AGAP1: variants seen among roughly 807,000 people sequenced by gnomAD.
The protein encoded by AGAP1 is arf-GAP with GTPase, ANK repeat and PH domain-containing protein 1.
AGAP1 carries 29 observed loss-of-function variants against 105.3 expected under a neutral mutation model. That is an observed-to-expected ratio of 0.28 (90% CI 0.21 to 0.38). The LOEUF (loss-of-function observed/expected upper bound fraction) is 0.38, where lower values mean the gene tolerates loss of function less well. Among genes scored for constraint, AGAP1 ranks in the 10% least tolerant of loss-of-function variants. The pLI, the probability that AGAP1 is intolerant of heterozygous loss-of-function variation, is 1.00. For synonymous variants in AGAP1, 509 were observed against 485.9 expected, an observed-to-expected ratio of 1.05 and a Z score of -0.63; for missense variants, 998 against 1,165.1, an observed-to-expected ratio of 0.86 and a Z score of 2.09.
intron 9 of AGAP1, among the ~76,000 whole-genome samples, chr2:235,811,160 C>T (rs185168428): frequency 2.0e-3 from 304 of 152,222 alleles, no homozygotes; most frequent in African/African-American, 6.9e-3. Context: ...CTTTCTTTCT[C>T]TTTAGCATTT....
At position 235,753,609 on chromosome 2, in the gene AGAP1, G is replaced by A. The variant is rs746076905; in HGVS notation, c.673+3121G>A. Among the ~76,000 whole-genome samples the A allele has an allele frequency of 6.6e-6, 1 of 152,068 alleles. No individual in the cohort carries two copies. Among genetic ancestry groups the A allele is most frequent in the Non-Finnish European group, 1.5e-5 (1 of 68,034 alleles). On this transcript the variant is annotated intron_variant, in intron 6 of 17. Coordinates refer to ENST00000304032, the MANE Select transcript of AGAP1 (RefSeq NM_001037131.3). The surrounding 1 kb of genome is among the most constrained non-coding windows in gnomAD (Gnocchi z 4.5). The stretch of plus-strand genomic sequence containing the variant: ...TAATCCCAGCTACTCAGGAAGCCAA[G>A]GCAGGAGAATCGCTTGAACCTGGGA...
In AGAP1 at chr2:235,720,001, C is replaced by T. The variant is rs981671426; in HGVS notation, c.310+2357C>T. ...CAAGCAGGTGGCCACTGTCTTTGCCCCTCTTAATGAGACCAGGGAATGGAC... is the reference window on the plus strand; with the variant it reads ...CAAGCAGGTGGCCACTGTCTTTGCCTCTCTTAATGAGACCAGGGAATGGAC... On this transcript the variant is annotated intron_variant, in intron 3 of 17. Coordinates refer to ENST00000304032, the MANE Select transcript of AGAP1 (RefSeq NM_001037131.3). This position sits in a 1 kb window ranked among gnomAD's most constrained non-coding sequence, Gnocchi z 5.0. 1.3e-5 allele frequency among the ~76,000 whole-genome samples: 2 copies of T among 152,100 alleles called. No individual in the cohort carries two copies. The highest frequency in any genetic ancestry group is 2.4e-5 in the African/African-American group (1 of 41,406).
rs1316264394 is a variant in AGAP1, at chr2:235,686,642, T to G, written c.164-22537T>G. ...ATAGATATATATATATATATATATA[T>G]ATAGATATATATATATATATATATT... is the stretch of plus-strand genomic sequence containing the variant. On this transcript the variant is annotated intron_variant, in intron 1 of 17. Transcript: ENST00000304032. Among the ~76,000 whole-genome samples, 82 of 45,130 alleles carry G rather than the reference T, an allele frequency of 1.8e-3. 3 individuals are homozygous for G. The East Asian group carries it at 0.026, about 14-fold the overall frequency. 29.6% of individuals were successfully genotyped at this position (45,130 alleles called of 152,430 possible). A position where few individuals can be genotyped will look rare whatever the true frequency, so the allele number is the denominator to read the frequency against.
Position 235,788,553 on chromosome 2 carries a change from G to T in AGAP1, c.674-9206G>T, listed in dbSNP as rs1473181707. On this transcript the variant is annotated intron_variant, in intron 6 of 17. Coordinates refer to ENST00000304032, the MANE Select transcript of AGAP1 (RefSeq NM_001037131.3). This position sits in a 1 kb window ranked among gnomAD's most constrained non-coding sequence, Gnocchi z 6.0. ...GGGAGGCAAGGTGGGGCGAGGAGAA[G>T]AGCGGGAGGGTAGGTGAGGCCGGGC... 6.6e-6 allele frequency among the ~76,000 whole-genome samples: 1 copy of T among 151,760 alleles called. No individual in the cohort carries two copies. The highest frequency in any genetic ancestry group is 2.4e-5 in the African/African-American group (1 of 41,286).
rs1248228534 is a variant in AGAP1 at position 236,042,403 on chromosome 2, A to C, written c.1891+1562A>C. On this transcript the variant is annotated intron_variant, in intron 15 of 17. Coordinates refer to ENST00000304032, the MANE Select transcript of AGAP1 (RefSeq NM_001037131.3). This position sits in a 1 kb window ranked among gnomAD's most constrained non-coding sequence, Gnocchi z 5.6. The stretch of plus-strand genomic sequence containing the variant: ...CCAGGTATCTTGAGGTTCTTCTTTA[A>C]AGTACCTCCTTATGTTTGAATGTTT... 6.6e-6 allele frequency among the ~76,000 whole-genome samples: 1 copy of C among 152,174 alleles called. No individual in the cohort carries two copies. Among genetic ancestry groups the C allele is most frequent in the East Asian group, 1.9e-4 (1 of 5,194 alleles).
intron 13 of AGAP1, among the ~76,000 whole-genome samples, chr2:236,017,224 C>T (rs529031891): frequency 5.4e-5 from 8 of 149,088 alleles, no homozygotes; most frequent in African/African-American, 1.7e-4. Flanking sequence ...ACCCAGGAGG[C>T]GGAGGTTGCA....
intron 11 of AGAP1, among the ~76,000 whole-genome samples, chr2:235,910,744 C>T (rs990079997): frequency 6.6e-6 from 1 of 152,098 alleles, no homozygotes; most frequent in Non-Finnish European, 1.5e-5. Flanking sequence ...ATGGTGAAAC[C>T]CCATCTCTAC....
At chr2:235,892,073 G>A (rs1236328878) in intron 10 of AGAP1, among the ~76,000 whole-genome samples, 2 of 151,884 alleles carry the variant, frequency 1.3e-5, no homozygotes, top group Non-Finnish European at 2.9e-5. Flanking sequence ...AGAATTGCTT[G>A]AACCCAGGAG....
chr2:235,808,270 C>T lies in AGAP1; in HGVS notation c.1050+939C>T, dbSNP rs898189461. On this transcript the variant is annotated intron_variant, in intron 9 of 17. Transcript: ENST00000304032. ...AGGGCTTGTGACCGGTGTGCACCTC[C>T]GGTCCAGCTCACTGCTTTGCTCTCC... Among the ~76,000 whole-genome samples, 64 of 152,220 alleles carry T rather than the reference C, an allele frequency of 4.2e-4. 1 individual carries two copies. The highest frequency in any genetic ancestry group is 1.4e-4 in the African/African-American group (6 of 41,476).
rs887918123 is a variant in AGAP1, at chr2:235,904,472, C to A, written c.1156-4266C>A. Among the ~76,000 whole-genome samples, 3 of 152,088 alleles carry A rather than the reference C, an allele frequency of 2.0e-5. No individual in the cohort carries two copies. The highest frequency in any genetic ancestry group is 2.4e-5 in the African/African-American group (1 of 41,414). ...CTGGGGGGCCTGGCTCTTGAGTGGG[C>A]CCCAGGGACTTGTTAAGTGCTGTTT... On this transcript the variant is annotated intron_variant, in intron 10 of 17. Coordinates refer to ENST00000304032, the MANE Select transcript of AGAP1 (RefSeq NM_001037131.3). The surrounding 1 kb of genome is among the most constrained non-coding windows in gnomAD (Gnocchi z 4.2).
chr2:235,672,559 G>A (rs1948494599), intron 1 of AGAP1, among the ~76,000 whole-genome samples: 1 of 152,220 alleles, frequency 6.6e-6, no homozygotes, highest in Admixed American at 6.5e-5. Flanking sequence ...CATGATGCGT[G>A]TTATTTTGTT....
At chr2:236,103,525 C>A (rs1253792295) in intron 16 of AGAP1, among the ~76,000 whole-genome samples, 1 of 146,438 alleles carries the variant, frequency 6.8e-6, no homozygotes, top group African/African-American at 2.6e-5. Flanking sequence ...TCTTTTTTTT[C>A]TTTCTTTTCT....
At chr2:236,067,934 G>A (rs889365007) in intron 16 of AGAP1, among the ~76,000 whole-genome samples, 2 of 152,210 alleles carry the variant, frequency 1.3e-5, no homozygotes, top group Non-Finnish European at 1.5e-5. Context: ...CAAAGAGAAG[G>A]ACATGTTGTG....
chr2:236,102,512 C>G (rs1371140541), intron 16 of AGAP1, among the ~76,000 whole-genome samples: 1 of 150,848 alleles, frequency 6.6e-6, no homozygotes, highest in Non-Finnish European at 1.5e-5. Flanking sequence ...CACTTGAACC[C>G]GGGATGCAGA....
chr2:235,522,450 G>A (rs943663461), intron 1 of AGAP1, among the ~76,000 whole-genome samples: 3 of 152,118 alleles, frequency 2.0e-5, no homozygotes, highest in Non-Finnish European at 4.4e-5. Context: ...CATAGGAGGC[G>A]TGATGGTGGT....
Position 235,851,821 on chromosome 2 carries a change from T to C in AGAP1, c.1051-31524T>C, listed in dbSNP as rs577840748. On this transcript the variant is annotated intron_variant, in intron 9 of 17. Transcript: ENST00000304032. The stretch of plus-strand genomic sequence containing the variant: ...TTAGGAAAAGAAATAAAACCCAGTG[T>C]TTTGATGCACACCTCGCACGTCTCA... Among the ~76,000 whole-genome samples, 6 of 152,252 alleles carry C rather than the reference T, an allele frequency of 3.9e-5. No individual in the cohort carries two copies. The South Asian group carries it at 1.2e-3, about 32-fold the overall frequency.
rs2053722566 is a variant in AGAP1 at position 235,951,214 on chromosome 2, C to G, written c.1484-17248C>G. ...AAAGGCTGTGCTTTAGAAGACACTTCCGACTTTGATCTGCAGTTGCGGATG... is the reference window on the plus strand; with the variant it reads ...AAAGGCTGTGCTTTAGAAGACACTTGCGACTTTGATCTGCAGTTGCGGATG... On this transcript the variant is annotated intron_variant, in intron 12 of 17. Transcript: ENST00000304032. This position sits in a 1 kb window ranked among gnomAD's most constrained non-coding sequence, Gnocchi z 4.2. Among the ~76,000 whole-genome samples the G allele has an allele frequency of 6.6e-6, 1 of 152,186 alleles. No homozygotes were observed. The highest frequency in any genetic ancestry group is 2.4e-5 in the African/African-American group (1 of 41,456).
rs1442966515 is a variant in AGAP1 at position 235,664,959 on chromosome 2, G to A, written c.164-44220G>A. ...ACGTTAGCCAAGCATGGTGGCTCAC[G>A]CCTGTAATCCCAGCACTTTAGGAGG... On this transcript the variant is annotated intron_variant, in intron 1 of 17. Transcript: ENST00000304032. This position sits in a 1 kb window ranked among gnomAD's most constrained non-coding sequence, Gnocchi z 5.7. 1.3e-5 allele frequency among the ~76,000 whole-genome samples: 2 copies of A among 152,096 alleles called. No individual in the cohort carries two copies. Among genetic ancestry groups the A allele is most frequent in the Non-Finnish European group, 2.9e-5 (2 of 68,034 alleles).
chr2:235,538,427 ATGTGTGTGTG>A (rs57515821), intron 1 of AGAP1, among the ~76,000 whole-genome samples: 55 of 135,334 alleles, frequency 4.1e-4, no homozygotes, highest in Non-Finnish European at 1.2e-4. Context: ...CTCAGCCACT[ATGTGTGTGTG>A]TGTGTGTGTG....
Sources: gnomAD v4.1 joint callset for allele counts (sites outside exome capture counted in the v4.1 genomes callset) on GRCh38, gnomAD v4.1.1 for gene constraint, Gnocchi (gnomAD v3.1) non-coding constraint, MANE v1.5 for transcripts, NCBI Gene and HGNC (gene_info 2026-07-23, HGNC 2026-07-21) for gene names.